AMOTL2: variants seen among roughly 807,000 people sequenced by gnomAD.
The protein encoded by AMOTL2 is angiomotin like 2.
A neutral mutation model predicts 78.4 loss-of-function variants in AMOTL2; 33 were observed. The observed-to-expected ratio is 0.42, with a 90% CI of 0.32 to 0.56. The LOEUF is 0.56. Among genes scored for constraint, AMOTL2 ranks in the 20% least tolerant of loss-of-function variants. AMOTL2 has a pLI of 0.12. For missense variants in AMOTL2, 983 were observed against 1,030.1 expected, an observed-to-expected ratio of 0.95 and a Z score of 0.63; for synonymous variants, 422 against 428.8, an observed-to-expected ratio of 0.98 and a Z score of 0.20.
chr3:134,365,448 C>A (rs1045912355), intron 5 of AMOTL2, among the ~76,000 whole-genome samples: 4 of 152,150 alleles, frequency 2.6e-5, no homozygotes, highest in African/African-American at 9.7e-5. Context: ...CCAGGAACTC[C>A]CTGGGAAGCT....
intron 1 of AMOTL2, chr3:134,373,566 G>A (rs1193146643): frequency 2.0e-6 from 2 of 985,414 alleles, no homozygotes; most frequent in Admixed American, 1.2e-4. Context: ...TTCTAAGCCA[G>A]CGCGCGTCTC....
At position 134,371,092 on chromosome 3, in the gene AMOTL2, C is replaced by G; in HGVS notation, c.342G>C (p.Ser114=). 1 of 1,612,308 alleles carries G rather than the reference C, an allele frequency of 6.2e-7. No homozygotes were observed. The highest frequency in any genetic ancestry group is 2.2e-5 in the East Asian group (1 of 44,816). The change falls in exon 2 of 10, where the codon TCG becomes TCC. Residue 114 remains serine (S), a synonymous_variant. Transcript: ENST00000249883. The part of the protein sequence containing the change: ...LPTYEEAKAH[S]QYYAAQQAGT... ...CTGCCTGCTGGGCCGCATAGTACTG[C>G]GAGTGGGCTTTGGCCTCCTCATAGG...
Position 134,360,430 on chromosome 3 carries a change from A to C in AMOTL2, c.1576-17T>G. 4 of 1,599,282 alleles carry C rather than the reference A, an allele frequency of 2.5e-6. No individual in the cohort carries two copies. Among genetic ancestry groups the C allele is most frequent in the Non-Finnish European group, 3.4e-6 (4 of 1,172,428 alleles). ...TGCCTGTCTCTGCAGAGCAAGGAGT[A>C]GAGACCGTGGTCAAGGGTGCAGGTT... On this transcript the variant is annotated splice_polypyrimidine_tract_variant and intron_variant, in intron 6 of 9. Transcript: ENST00000249883.
chr3:134,368,065 A>G (rs1463878236), intron 2 of AMOTL2, among the ~76,000 whole-genome samples: 1 of 152,138 alleles, frequency 6.6e-6, no homozygotes, highest in East Asian at 1.9e-4. Context: ...TAATGTCAGG[A>G]TGCTTGTTTC....
chr3:134,367,062 G>A (rs2017638950), intron 3 of AMOTL2, among the ~76,000 whole-genome samples: 1 of 152,198 alleles, frequency 6.6e-6, no homozygotes, highest in Admixed American at 6.5e-5. Flanking sequence ...TAGCTGGCCT[G>A]TGATTCCAAC....
chr3:134,370,819 C>A lies in AMOTL2; in HGVS notation c.615G>T (p.Glu205Asp). ...GGTACTGAGGTGGGGGTCCTCGGGA[C>A]TCTGGGCCCTCAGCAGGGGGGCCCC... ...PLRGPPAEGP[E>D]SRGPPPQYPH... The change falls in exon 2 of 10, where the codon GAG (glutamate) becomes GAT (aspartate). Residue 205 changes from glutamate (E) to aspartate (D), a missense_variant. Transcript: ENST00000249883. 1 of 1,579,906 alleles carries A rather than the reference C, an allele frequency of 6.3e-7. No individual in the cohort carries two copies.
chr3:134,358,501 G>A lies in AMOTL2; in HGVS notation c.2284+39C>T, dbSNP rs534166376. On this transcript the variant is annotated intron_variant, in intron 9 of 9. Coordinates refer to ENST00000249883, the MANE Select transcript of AMOTL2 (RefSeq NM_016201.4). Reference sequence around the variant, plus strand: ...CCAGTTCACACCCCAGTGCCCCCTCGGCCCTACCTAGCACAGAAGTGGGGT... The same window carrying A: ...CCAGTTCACACCCCAGTGCCCCCTCAGCCCTACCTAGCACAGAAGTGGGGT... 50 of 1,583,260 alleles carry A rather than the reference G, an allele frequency of 3.2e-5. No individual in the cohort carries two copies. In the South Asian group the frequency reaches 4.9e-4, roughly 15 times the overall value.
chr3:134,360,562 G>T, intron 6 of AMOTL2, 149 bp from the exon 7 acceptor site: 1 of 723,734 alleles, frequency 1.4e-6, no homozygotes, highest in East Asian at 2.7e-5. Flanking sequence ...TACCGAAATG[G>T]GGATACAGCA....
chr3:134,358,707 G>C lies in AMOTL2; in HGVS notation c.2117C>G (p.Pro706Arg). Reference sequence around the variant, plus strand: ...AGCTGTGACCACTGGCTCCTCTGTGGGTGCTCTGTCTGCTGGAAAGGTAGG... The same window carrying C: ...AGCTGTGACCACTGGCTCCTCTGTGCGTGCTCTGTCTGCTGGAAAGGTAGG... ...PARLTTADRA[P>R]TEEPVVTAPP... is the part of the protein sequence containing the mutation. Residue 706 changes from proline (P) to arginine (R), a missense_variant, in exon 9 of 10, where the codon CCC becomes CGC. Physicochemically the swap from Pro to Arg is moderately radical, Grantham distance 103. Transcript: ENST00000249883. 1 of 1,614,118 alleles carries C rather than the reference G, an allele frequency of 6.2e-7. No homozygotes were observed.
chr3:134,368,063 G>C (rs751386288), intron 2 of AMOTL2, among the ~76,000 whole-genome samples: 8 of 152,216 alleles, frequency 5.3e-5, no homozygotes, highest in Admixed American at 2.0e-4. Context: ...ATTAATGTCA[G>C]GATGCTTGTT....
intron 8 of AMOTL2, 39 bp from the exon 9 acceptor site, chr3:134,358,758 G>A: frequency 6.2e-7 from 1 of 1,611,442 alleles, no homozygotes; most frequent in Non-Finnish European, 8.5e-7. Flanking sequence ...ATGCCTGTAA[G>A]ATGTGGCCCT....
Position 134,365,898 on chromosome 3 carries a change from A to T in AMOTL2, c.1198T>A (p.Ser400Thr). ...FNRDLRERLE[S>T]ANRRLASKTQ... ...TTGCTTGCCAGGCGGCGATTTGCAG[A>T]TTCCAATCTCTCTGTTTCAAGGGAA... is the stretch of plus-strand genomic sequence containing the variant. Residue 400 changes from serine (S) to threonine (T), a missense_variant, in exon 5 of 10, where the codon TCT becomes ACT. Coordinates refer to ENST00000249883, the MANE Select transcript of AMOTL2 (RefSeq NM_016201.4). The T allele has an allele frequency of 1.9e-6, 3 of 1,614,170 alleles. No homozygotes were observed. Among genetic ancestry groups the T allele is most frequent in the Non-Finnish European group, 1.7e-6 (2 of 1,180,000 alleles).
chr3:134,371,396 T>C lies in AMOTL2; in HGVS notation c.38A>G (p.His13Arg), dbSNP rs1488826815. 2 of 1,606,520 alleles carry C rather than the reference T, an allele frequency of 1.2e-6. No homozygotes were observed. The highest frequency in any genetic ancestry group is 8.5e-7 in the Non-Finnish European group (1 of 1,179,988). Residue 13 changes from histidine (H) to arginine (R), a missense_variant, in exon 2 of 10, where the codon CAC becomes CGC. Physicochemically the swap from His to Arg is conservative, Grantham distance 29. Coordinates refer to ENST00000249883, the MANE Select transcript of AMOTL2 (RefSeq NM_016201.4). ...TLEDSSGTVL[H>R]RLIQEQLRYG... ...GCGCAGCTGCTCCTGGATGAGGCGG[T>C]GCAGGACTGTCCCCGAGGAGTCTTC...
At chr3:134,366,729 C>T (rs776395997) in intron 3 of AMOTL2, 1 of 296,430 alleles carries the variant, frequency 3.4e-6, no homozygotes, top group Non-Finnish European at 6.3e-6. Context: ...TTCCCTGTGC[C>T]CAGTGTCCAG....
intron 1 of AMOTL2, among the ~76,000 whole-genome samples, chr3:134,372,783 G>T (rs2017924557): frequency 6.6e-6 from 1 of 152,116 alleles, no homozygotes; most frequent in African/African-American, 2.4e-5. Context: ...TCCCTTCTAA[G>T]CCTGGGCTCC....
chr3:134,359,299 A>T lies in AMOTL2; in HGVS notation c.2088T>A (p.Pro696=). The change falls in exon 8 of 10, where the codon CCT becomes CCA. Residue 696 remains proline (P), a synonymous_variant. Transcript: ENST00000249883. ...TCCTCTTACCTGTAGTCAGCCGAGC[A>T]GGGGCGTCTGCTGTTTGTCGCTCAC... ...SSSERQTADA[P]ARLTTADRAP... 1 of 1,614,194 alleles carries T rather than the reference A, an allele frequency of 6.2e-7. No homozygotes were observed. The highest frequency in any genetic ancestry group is 8.5e-7 in the Non-Finnish European group (1 of 1,180,018).
chr3:134,374,901 CTG>C (rs749884597), upstream of AMOTL2: 20,265 of 1,060,204 alleles, frequency 0.019, 3 homozygotes, highest in Middle Eastern at 0.028. Context: ...GGGACTCCGG[CTG>C]TGTGTGTGTG....
intron 5 of AMOTL2, among the ~76,000 whole-genome samples, chr3:134,365,059 C>T (rs935744896): frequency 1.3e-5 from 2 of 152,052 alleles, no homozygotes; most frequent in South Asian, 2.1e-4. Context: ...CTCAGGCCAC[C>T]GGGGCTCCTA....
At chr3:134,374,083 C>G (rs1306017574) in intron 1 of AMOTL2, 2 of 349,418 alleles carry the variant, frequency 5.7e-6, no homozygotes, top group Non-Finnish European at 8.0e-6. Flanking sequence ...CGGAGTCGGC[C>G]CTCTCCCCTC....
Sources: allele counts gnomAD v4.1 joint callset (sites outside exome capture counted in the v4.1 genomes callset), GRCh38; gene constraint gnomAD v4.1.1; transcripts MANE v1.5; gene names NCBI Gene and HGNC (gene_info 2026-07-23, HGNC 2026-07-21).